UNC13B: variants seen among roughly 807,000 people sequenced by gnomAD.
UNC13B encodes the protein unc-13 homolog B, also known as protein unc-13 homolog B.
In UNC13B, 144 loss-of-function variants were observed where a neutral mutation model predicts 211.0. That is an observed-to-expected ratio of 0.68 (90% CI 0.60 to 0.78). The LOEUF (loss-of-function observed/expected upper bound fraction) is 0.78. Among genes scored for constraint, UNC13B ranks in the 30% least tolerant of loss-of-function variants. UNC13B has a pLI of 0.00. For synonymous variants in UNC13B, 709 were observed against 725.8 expected, an observed-to-expected ratio of 0.98 and a Z score of 0.37; for missense variants, 1,777 against 2,002.0, an observed-to-expected ratio of 0.89 and a Z score of 2.14.
Position 35,307,356 on chromosome 9 carries a change from T to G in UNC13B, c.7952T>G (p.Leu2651Arg). 1 of 399,054 alleles carries G rather than the reference T, an allele frequency of 2.5e-6. No homozygotes were observed. The highest frequency in any genetic ancestry group is 4.4e-6 in the Non-Finnish European group (1 of 226,096). The allele number at this position is 399,054 out of a possible 1,614,324, so 24.7% of individuals were successfully genotyped here. A position where few individuals can be genotyped will look rare whatever the true frequency, so the allele number is the denominator to read the frequency against. The change falls in exon 9 of 40, where the codon CTG (leucine) becomes CGG (arginine). Residue 2651 changes from leucine (L) to arginine (R), a missense_variant. Coordinates refer to ENST00000635942, the MANE Select transcript of UNC13B (RefSeq NM_001371189.2). ...TCGTTAGAAGCAGAGAACTTTGCGC[T>G]GCCAGCACAGTTGCATCCAGATCCT... ...EASLEAENFALPAQLHPDPTC... is the reference protein window; with the variant it reads ...EASLEAENFARPAQLHPDPTC...
intron 7 of UNC13B, among the ~76,000 whole-genome samples, chr9:35,288,329 A>T (rs1828906904): frequency 6.6e-6 from 1 of 152,098 alleles, no homozygotes; most frequent in Admixed American, 6.6e-5. Context: ...GTAATTCCAA[A>T]TCCTTAATAT....
chr9:35,282,671 G>T (rs1828569894), intron 7 of UNC13B, among the ~76,000 whole-genome samples: 2 of 152,126 alleles, frequency 1.3e-5, no homozygotes, highest in African/African-American at 4.8e-5. Context: ...CTGACCTCAG[G>T]TGATCTGCCT....
intron 13 of UNC13B, 147 bp downstream of exon 13, chr9:35,370,543 A>G (rs1472049889): frequency 4.3e-6 from 3 of 697,566 alleles, no homozygotes; most frequent in Non-Finnish European, 7.1e-6. Flanking sequence ...GAGACTTAGC[A>G]GTGGCTTCAC....
intron 7 of UNC13B, among the ~76,000 whole-genome samples, chr9:35,281,607 TCAAA>T (rs1828499045): frequency 6.6e-6 from 1 of 152,152 alleles, no homozygotes; most frequent in Non-Finnish European, 1.5e-5. Flanking sequence ...AAATGATATC[TCAAA>T]CAAAGTCTGT....
At chr9:35,377,334 T>C in intron 15 of UNC13B, 134 bp from the exon 16 acceptor site, 1 of 876,566 alleles carries the variant, frequency 1.1e-6, no homozygotes, top group Non-Finnish European at 1.7e-6. Context: ...AGAGGGCCCT[T>C]GCTTAATTGC....
Position 35,295,866 on chromosome 9 carries a change from C to T in UNC13B, c.697C>T (p.Arg233Trp), listed in dbSNP as rs746908694. The change falls in exon 8 of 40, where the codon CGG (arginine) becomes TGG (tryptophan). Residue 233 changes from arginine to tryptophan, a missense_variant. Transcript: ENST00000635942. ...GCAGCTGCTACTTCAAGGCAGTTCC[C>T]GGGACTCTTGTAATGACTCTATGCA... ...PQQLLLQGSSRDSCNDSMQSY... is the reference protein window; with the variant it reads ...PQQLLLQGSSWDSCNDSMQSY... 1.5e-5 allele frequency: 24 copies of T among 1,613,998 alleles called. No individual in the cohort carries two copies. Among genetic ancestry groups the T allele is most frequent in the Admixed American group, 6.7e-5 (4 of 59,996 alleles).
intron 1 of UNC13B, among the ~76,000 whole-genome samples, chr9:35,210,499 A>G (rs552789700): frequency 3.9e-4 from 57 of 147,892 alleles, no homozygotes; most frequent in Non-Finnish European, 7.7e-4. Context: ...ATTTGAAATT[A>G]TTGTAAACCA....
At chr9:35,325,806 C>G (rs1045052159) in intron 11 of UNC13B, among the ~76,000 whole-genome samples, 2 of 152,172 alleles carry the variant, frequency 1.3e-5, no homozygotes, top group Admixed American at 6.5e-5. Context: ...ACATTTCATA[C>G]CAATGGATTC....
chr9:35,179,212 T>G (rs1054125346), intron 1 of UNC13B, among the ~76,000 whole-genome samples: 2 of 152,156 alleles, frequency 1.3e-5, no homozygotes, highest in Non-Finnish European at 2.9e-5. Flanking sequence ...GAAAGATGGC[T>G]GTTATGCATT....
At chr9:35,251,043 A>G (rs1373656746) in intron 6 of UNC13B, among the ~76,000 whole-genome samples, 2 of 146,752 alleles carry the variant, frequency 1.4e-5, no homozygotes, top group African/African-American at 5.1e-5. Context: ...GCTCACTGCA[A>G]GCTCCACCTC....
chr9:35,244,196 GA>G (rs774383269), intron 6 of UNC13B, among the ~76,000 whole-genome samples: 39 of 152,208 alleles, frequency 2.6e-4, no homozygotes, highest in Admixed American at 1.4e-3. Flanking sequence ...CAACCTTAAA[GA>G]GAGAGAATAA....
intron 7 of UNC13B, among the ~76,000 whole-genome samples, chr9:35,286,771 GA>G: frequency 6.6e-6 from 1 of 152,206 alleles, no homozygotes; most frequent in East Asian, 1.9e-4. Flanking sequence ...CAAAACTGTG[GA>G]TTTTTGGAGC....
chr9:35,352,432 A>T, intron 11 of UNC13B: 4 of 1,232,152 alleles, frequency 3.2e-6, no homozygotes, highest in Non-Finnish European at 4.0e-6. Flanking sequence ...TTGCCACCAG[A>T]GAAGAACCAA....
intron 26 of UNC13B, among the ~76,000 whole-genome samples, chr9:35,394,878 G>T (rs1296674949): frequency 6.6e-6 from 1 of 152,164 alleles, no homozygotes. Context: ...TACCAGAGAA[G>T]TTAATACAGA....
chr9:35,233,523 A>AT (rs1385581539), intron 3 of UNC13B, among the ~76,000 whole-genome samples: 3 of 151,484 alleles, frequency 2.0e-5, no homozygotes, highest in Admixed American at 2.0e-4. Flanking sequence ...TTATTTACTT[A>AT]TTTTTTTTGG....
intron 15 of UNC13B, 50 bp from the exon 16 acceptor site, chr9:35,377,418 C>T (rs766905997): frequency 3.0e-5 from 48 of 1,591,288 alleles, no homozygotes; most frequent in Non-Finnish European, 3.8e-5. Flanking sequence ...CATTCCTCAG[C>T]TCAACCCTTG....
chr9:35,340,907 G>C (rs150677218), intron 11 of UNC13B, among the ~76,000 whole-genome samples: 1 of 152,226 alleles, frequency 6.6e-6, no homozygotes, highest in South Asian at 2.1e-4. Flanking sequence ...GCTTGTGCTC[G>C]GACATTATGT....
At chr9:35,298,782 C>G (rs191482891) in intron 8 of UNC13B, among the ~76,000 whole-genome samples, 21 of 152,254 alleles carry the variant, frequency 1.4e-4, no homozygotes, top group African/African-American at 5.1e-4. Context: ...AGAAGGCAGT[C>G]TTTAATCTAA....
intron 11 of UNC13B, among the ~76,000 whole-genome samples, chr9:35,346,817 C>A (rs77383680): frequency 6.6e-6 from 1 of 152,186 alleles, no homozygotes; most frequent in Non-Finnish European, 1.5e-5. Flanking sequence ...CCTACTTACC[C>A]CATCCCAGCT....
Sources: gnomAD v4.1 joint callset for allele counts (sites outside exome capture counted in the v4.1 genomes callset) on GRCh38, gnomAD v4.1.1 for gene constraint, MANE v1.5 for transcripts, NCBI Gene and HGNC (gene_info 2026-07-23, HGNC 2026-07-21) for gene names.